The following PHRF1 variants were observed in gnomAD, a reference collection of about 807,000 sequenced individuals.
PHRF1 encodes PHD and ring finger domains 1, also known as PHD and RING finger domain-containing protein 1.
PHRF1 carries 53 observed loss-of-function variants against 128.9 expected under a neutral mutation model. That is an observed-to-expected ratio of 0.41 (90% confidence interval 0.33 to 0.52). PHRF1 has a LOEUF of 0.52. Ranked by LOEUF, PHRF1 falls within the 20% of genes least tolerant of loss-of-function variation. The pLI, the probability that PHRF1 is intolerant of heterozygous loss-of-function variation, is 0.21. For synonymous variants in PHRF1, 1,178 were observed against 980.6 expected (o/e 1.20, Z -3.76); for missense variants, 2,503 against 2,284.5 (o/e 1.10, Z -1.95).
chr11:596,049 C>T (rs1326802293), intron 6 of PHRF1, among the ~76,000 whole-genome samples: 1 of 152,196 alleles, frequency 6.6e-6, no homozygotes, highest in African/African-American at 2.4e-5. Flanking sequence ...AATGGGTTTA[C>T]TCTTGTTTAA....
At chr11:593,157 TC>T (rs752519752) in intron 6 of PHRF1, among the ~76,000 whole-genome samples, 1 of 152,260 alleles carries the variant, frequency 6.6e-6, no homozygotes, top group Non-Finnish European at 1.5e-5. Context: ...GGCCCTGGCT[TC>T]CCGGGAGCCT....
At position 608,951 on chromosome 11, in the gene PHRF1, C is replaced by A; in HGVS notation, c.3495C>A (p.Ser1165=). ...ACCGGAGGAAGCGGAGGTCCCGGTC[C>A]CCAAGCTCGGAGCACAGGGCACGGG... ...PRDRRKRRSR[S]PSSEHRAREH... Residue 1165 remains serine, a synonymous_variant, in exon 14 of 18, where the codon TCC becomes TCA. Transcript: ENST00000264555. 1.2e-6 allele frequency: 2 copies of A among 1,610,808 alleles called. No homozygotes were observed. Among genetic ancestry groups the A allele is most frequent in the Non-Finnish European group, 1.7e-6 (2 of 1,179,282 alleles).
intron 3 of PHRF1, among the ~76,000 whole-genome samples, chr11:585,698 T>TTTTTTTTTA (rs1854508181): frequency 6.7e-6 from 1 of 149,136 alleles, no homozygotes; most frequent in African/African-American, 2.5e-5. Context: ...TTTTTTTTTT[T>TTTTTTTTTA]GAGGTCGAGT....
At position 592,667 on chromosome 11, in the gene PHRF1, G is replaced by C; in HGVS notation, c.613G>C (p.Asp205His). Residue 205 changes from aspartate to histidine, a missense_variant, in exon 6 of 18, where the codon GAT becomes CAT. By Grantham distance (81) the Asp-to-His change is moderately conservative (BLOSUM62 -1). Transcript: ENST00000264555. ...EDRLLLCDGC[D>H]AGYHMECLDP... ...CAGGCTTTTGCTCTGCGACGGCTGC[G>C]ATGCGGGGTAAGGGACGGTTGGGAC... 6.2e-7 allele frequency: 1 copy of C among 1,614,028 alleles called. No individual in the cohort carries two copies. The highest frequency in any genetic ancestry group is 1.1e-5 in the South Asian group (1 of 91,088).
Position 609,323 on chromosome 11 carries a change from A to C in PHRF1, c.3867A>C (p.Pro1289=). The change falls in exon 14 of 18, where the codon CCA becomes CCC. Residue 1289 remains proline (P), a synonymous_variant. Coordinates refer to ENST00000264555, the MANE Select transcript of PHRF1 (RefSeq NM_001286581.2). The stretch of plus-strand genomic sequence containing the variant: ...TCCAGCTCGATGACATGAGCTCGCC[A>C]CCTTCTCCCGAAAGCACAGACTCTT... ...VFIQLDDMSS[P]PSPESTDSSP... 1 of 1,612,418 alleles carries C rather than the reference A, an allele frequency of 6.2e-7. No homozygotes were observed.
intron 14 of PHRF1, 129 bp from the exon 15 acceptor site, chr11:610,067 G>A (rs1308776384): frequency 4.9e-6 from 6 of 1,220,154 alleles, no homozygotes; most frequent in Non-Finnish European, 6.7e-6. Flanking sequence ...CCTTGGTGCT[G>A]GGGGTGGATC....
chr11:580,149 A>G (rs1454912651), intron 1 of PHRF1, among the ~76,000 whole-genome samples: 1 of 152,186 alleles, frequency 6.6e-6, no homozygotes, highest in African/African-American at 2.4e-5. Flanking sequence ...GGCCGGCTTC[A>G]CTGCCTCGCT....
In PHRF1 at chr11:609,226, T is replaced by C. The variant is rs939584835; in HGVS notation, c.3770T>C (p.Leu1257Pro). 3.7e-6 allele frequency: 6 copies of C among 1,610,406 alleles called. No homozygotes were observed. The African/African-American group carries it at 6.7e-5, about 18-fold the overall frequency. Residue 1257 changes from leucine to proline, a missense_variant, in exon 14 of 18, where the codon CTG becomes CCG. Physicochemically the swap from Leu to Pro is moderately conservative, Grantham distance 98 (BLOSUM62 -3). Transcript: ENST00000264555. ...EVAAECEPDDLDLDYGDSVEA... is the reference protein window; with the variant it reads ...EVAAECEPDDPDLDYGDSVEA... Reference sequence around the variant, plus strand: ...GCAGCTGAGTGTGAGCCGGACGACCTGGACCTGGATTATGGCGACTCCGTG... The same window carrying C: ...GCAGCTGAGTGTGAGCCGGACGACCCGGACCTGGATTATGGCGACTCCGTG...
rs534163489 is a variant in PHRF1, at chr11:590,956, G to A, written c.421-428G>A. Among the ~76,000 whole-genome samples, 3 of 152,292 alleles carry A rather than the reference G, an allele frequency of 2.0e-5. No homozygotes were observed. In the South Asian group the frequency reaches 6.2e-4, roughly 32 times the overall value. ...GACCTCAGGTAATCTGCCTGCCTCG[G>A]CCTCCCAAAGTGCTGGGATTACAGG... On this transcript the variant is annotated intron_variant, in intron 4 of 17. Coordinates refer to ENST00000264555, the MANE Select transcript of PHRF1 (RefSeq NM_001286581.2).
Position 610,701 on chromosome 11 carries a change from C to T in PHRF1, c.4617C>T (p.Ser1539=), listed in dbSNP as rs1326737494. Residue 1539 remains serine (S), a synonymous_variant, in exon 16 of 18, where the codon AGC becomes AGT. Transcript: ENST00000264555. ...CAGCCAGTCAAGCCACTGCAGCCAG[C>T]AACTCGGAGGAGAAGACCCCGGCCC... ...SEPASQATAA[S]NSEEKTPAPR... is the part of the protein sequence containing the mutation. The T allele has an allele frequency of 6.2e-7, 1 of 1,603,658 alleles. No homozygotes were observed. The highest frequency in any genetic ancestry group is 8.5e-7 in the Non-Finnish European group (1 of 1,179,784).
chr11:607,744 G>A lies in PHRF1; in HGVS notation c.2288G>A (p.Gly763Glu), dbSNP rs377112750. Residue 763 changes from glycine (G) to glutamate (E), a missense_variant, in exon 14 of 18, where the codon GGA becomes GAA. Physicochemically the swap from Gly to Glu is moderately conservative, Grantham distance 98. Transcript: ENST00000264555. The stretch of plus-strand genomic sequence containing the variant: ...TCCCATGGCAGTTTGGCCCCACTGG[G>A]ACCATCAAGAGGGAAAGGGGTCGGG... ...PSSHGSLAPL[G>E]PSRGKGVGST... The A allele has an allele frequency of 1.2e-6, 2 of 1,612,202 alleles. No individual in the cohort carries two copies. The highest frequency in any genetic ancestry group is 2.2e-5 in the East Asian group (1 of 44,878).
chr11:600,061 T>G (rs1178003473), intron 9 of PHRF1, among the ~76,000 whole-genome samples: 1 of 151,940 alleles, frequency 6.6e-6, no homozygotes, highest in Non-Finnish European at 1.5e-5. Context: ...TGAGCTCATT[T>G]GTGTTAAAGT....
intron 10 of PHRF1, among the ~76,000 whole-genome samples, chr11:604,273 GCAGA>G (rs1043317007): frequency 1.3e-5 from 2 of 152,152 alleles, no homozygotes; most frequent in African/African-American, 4.8e-5. Flanking sequence ...CCTTTCTTCT[GCAGA>G]CAGTGTTCTG....
intron 1 of PHRF1, 138 bp from the exon 2 acceptor site, chr11:581,354 T>G (rs560524380): frequency 2.9e-6 from 2 of 679,318 alleles, no homozygotes; most frequent in Middle Eastern, 2.5e-4. Context: ...GTGGGTGATA[T>G]CTCAGGGCTC....
intron 4 of PHRF1, 39 bp from the exon 5 acceptor site, chr11:591,345 T>G: frequency 6.5e-7 from 1 of 1,538,872 alleles, no homozygotes; most frequent in Non-Finnish European, 8.9e-7. Flanking sequence ...TAAGTGAAAG[T>G]GATTGACAAG....
At chr11:600,084 A>G (rs189195699) in intron 9 of PHRF1, among the ~76,000 whole-genome samples, 8 of 151,610 alleles carry the variant, frequency 5.3e-5, no homozygotes, top group Non-Finnish European at 1.0e-4. Flanking sequence ...CAAGCAGTCC[A>G]CCTGCCTCGG....
rs772137419 is a variant in PHRF1 at position 610,778 on chromosome 11, C to G, written c.4677+17C>G. 5 of 1,596,814 alleles carry G rather than the reference C, an allele frequency of 3.1e-6. No individual in the cohort carries two copies. The South Asian group carries it at 5.5e-5, about 18-fold the overall frequency. On this transcript the variant is annotated intron_variant, in intron 16 of 17. Transcript: ENST00000264555. ...AAGGAGGAGGTGAGTCCTGCCTCCT[C>G]CCACTTTCCCCATGTTCCCATCTTA...
At position 608,329 on chromosome 11, in the gene PHRF1, G is replaced by A. The variant is rs755919811; in HGVS notation, c.2873G>A (p.Arg958Gln). ...SCSTFFGSEERTVTCVTVVEP... is the reference protein window; with the variant it reads ...SCSTFFGSEEQTVTCVTVVEP... Reference sequence around the variant, plus strand: ...AGCACCTTCTTTGGCTCTGAGGAGCGGACGGTGACCTGTGTGACTGTCGTG... The same window carrying A: ...AGCACCTTCTTTGGCTCTGAGGAGCAGACGGTGACCTGTGTGACTGTCGTG... Residue 958 changes from arginine to glutamine, a missense_variant, in exon 14 of 18, where the codon CGG becomes CAG. Physicochemically the swap from Arg to Gln is conservative, Grantham distance 43 (BLOSUM62 1). Transcript: ENST00000264555. The A allele has an allele frequency of 1.2e-5, 19 of 1,609,460 alleles. No homozygotes were observed. Among genetic ancestry groups the A allele is most frequent in the Admixed American group, 8.4e-5 (5 of 59,608 alleles).
At chr11:579,995 A>G (rs886528913) in intron 1 of PHRF1, among the ~76,000 whole-genome samples, 1 of 152,192 alleles carries the variant, frequency 6.6e-6, no homozygotes, top group Non-Finnish European at 1.5e-5. Flanking sequence ...TGCAGCCCAC[A>G]GTGGTGGTGG....
Sources: allele counts gnomAD v4.1 joint callset (sites outside exome capture counted in the v4.1 genomes callset), GRCh38; gene constraint gnomAD v4.1.1; transcripts MANE v1.5; gene names NCBI Gene and HGNC (gene_info 2026-07-23, HGNC 2026-07-21).